Variants in ANTXR2 observed in about 807,000 individuals in gnomAD.
ANTXR2 encodes the protein anthrax toxin receptor 2.
A neutral mutation model predicts 73.7 loss-of-function variants in ANTXR2; 44 were observed. That is an observed-to-expected ratio of 0.60 (90% CI 0.47 to 0.77). The LOEUF is 0.77. ANTXR2 is among the 30% of genes least tolerant of loss of function. The pLI, the probability that ANTXR2 is intolerant of heterozygous loss-of-function variation, is 0.00. For synonymous variants in ANTXR2, 217 were observed against 205.9 expected (o/e 1.05, Z -0.46); for missense variants, 604 against 592.5 (o/e 1.02, Z -0.20).
At chr4:79,936,101 ATT>A (rs1300713184) in intron 16 of ANTXR2, among the ~76,000 whole-genome samples, 3 of 152,194 alleles carry the variant, frequency 2.0e-5, no homozygotes, top group African/African-American at 7.2e-5. Flanking sequence ...ATATATTCTA[ATT>A]TTGAGATATT....
rs1408939743 is a variant in ANTXR2 at position 80,007,173 on chromosome 4, A to G, written c.1041+1348T>C. Among the ~76,000 whole-genome samples, 4 of 152,172 alleles carry G rather than the reference A, an allele frequency of 2.6e-5. No individual in the cohort carries two copies. The East Asian group carries it at 5.8e-4, about 22-fold the overall frequency. On this transcript the variant is annotated intron_variant, in intron 12 of 16. Coordinates refer to ENST00000403729, the MANE Select transcript of ANTXR2 (RefSeq NM_058172.6). ...CCTCATGAAAGCAAACTGAAGTACA[A>G]CTAATAATAAACGCAGGGCTAAAAC...
At chr4:79,937,640 C>A (rs1728322240) in intron 16 of ANTXR2, among the ~76,000 whole-genome samples, 1 of 152,172 alleles carries the variant, frequency 6.6e-6, no homozygotes, top group African/African-American at 2.4e-5. Context: ...AACAAGGTAA[C>A]AACTTGAATG....
chr4:79,913,365 C>G (rs565354049), intron 16 of ANTXR2, among the ~76,000 whole-genome samples: 33 of 152,188 alleles, frequency 2.2e-4, no homozygotes, highest in African/African-American at 7.7e-4. Flanking sequence ...CAATAAAATG[C>G]CTGTTAAAGC....
chr4:79,981,445 G>A (rs983949595), intron 14 of ANTXR2, among the ~76,000 whole-genome samples: 3 of 151,816 alleles, frequency 2.0e-5, no homozygotes, highest in African/African-American at 7.3e-5. Context: ...GTGTATTTAT[G>A]GTATATTTTA....
Position 80,033,560 on chromosome 4 carries a change from C to G in ANTXR2, c.708G>C (p.Gln236His). ...PSSVCVGEEF[Q>H]IVLSGRGFML... ...TGAATCCTCTTCCACTTAAGACAAT[C>G]TGAAATTCCTCTAGAAGTAAAAGGA... Residue 236 changes from glutamine to histidine, a missense_variant, in exon 9 of 17, where the codon CAG (glutamine) becomes CAC (histidine). By Grantham distance (24) the Gln-to-His change is conservative. Coordinates refer to ENST00000403729, the MANE Select transcript of ANTXR2 (RefSeq NM_058172.6). The G allele has an allele frequency of 6.3e-7, 1 of 1,584,456 alleles. No individual in the cohort carries two copies. The highest frequency in any genetic ancestry group is 8.5e-7 in the Non-Finnish European group (1 of 1,170,460).
At chr4:79,984,258 TTCA>T (rs1283352328) in intron 13 of ANTXR2, among the ~76,000 whole-genome samples, 1 of 152,190 alleles carries the variant, frequency 6.6e-6, no homozygotes, top group Non-Finnish European at 1.5e-5. Context: ...TTCAAATCTA[TTCA>T]TCACTTCATA....
At chr4:80,041,936 CATGT>C (rs1331919639) in intron 7 of ANTXR2, among the ~76,000 whole-genome samples, 2 of 151,992 alleles carry the variant, frequency 1.3e-5, no homozygotes, top group East Asian at 1.9e-4. Context: ...CATACGCATG[CATGT>C]ATCTTTGTAA....
chr4:79,994,887 T>C (rs931963852), intron 12 of ANTXR2, among the ~76,000 whole-genome samples: 1 of 151,978 alleles, frequency 6.6e-6, no homozygotes, highest in Non-Finnish European at 1.5e-5. Flanking sequence ...ATTCTCATTG[T>C]TAAAATGCCT....
rs544590235 is a variant in ANTXR2 at position 79,902,761 on chromosome 4, A to G, written c.*4668T>C. ...TTTGCAACTGACAGTTTACAGAACT[A>G]ATATTACCACACACTACAGACAAAG... On this transcript the variant is annotated 3_prime_UTR_variant, in exon 17 of 17. Coordinates refer to ENST00000403729, the MANE Select transcript of ANTXR2 (RefSeq NM_058172.6). 4.0e-5 allele frequency: 6 copies of G among 151,242 alleles called. No homozygotes were observed. Among genetic ancestry groups the G allele is most frequent in the Non-Finnish European group, 7.4e-5 (5 of 67,942 alleles). 9.4% of individuals were successfully genotyped at this position (151,242 alleles called of 1,614,324 possible).
In ANTXR2 at chr4:79,907,069, G is replaced by C. The variant is rs1726942377; in HGVS notation, c.*360C>G. ...CTCCCATCATGGCTAGTTGTTTTGT[G>C]GTCCTTGTTTTGGTATCATCTTCGT... is the stretch of plus-strand genomic sequence containing the variant. On this transcript the variant is annotated 3_prime_UTR_variant, in exon 17 of 17. Transcript: ENST00000403729. The C allele has an allele frequency of 3.7e-6, 1 of 268,852 alleles. No individual in the cohort carries two copies. Among genetic ancestry groups the C allele is most frequent in the East Asian group, 1.0e-4 (1 of 9,606 alleles). 16.7% of individuals were successfully genotyped at this position (268,852 alleles called of 1,614,324 possible).
chr4:80,072,329 G>C lies in ANTXR2; in HGVS notation c.152+80C>G. 3.5e-6 allele frequency: 5 copies of C among 1,418,002 alleles called. No individual in the cohort carries two copies. The South Asian group carries it at 4.7e-5, about 13-fold the overall frequency. The allele number at this position is 1,418,002 out of a possible 1,614,324, so 87.8% of individuals were successfully genotyped here. On this transcript the variant is annotated intron_variant, in intron 1 of 16. Coordinates refer to ENST00000403729, the MANE Select transcript of ANTXR2 (RefSeq NM_058172.6). ...TTTCCAACACCACTCCCCGGGGTGC[G>C]CACACGCATCTCAGCCTCAGCCCCA...
At chr4:79,948,111 T>C (rs1377192674) in intron 16 of ANTXR2, among the ~76,000 whole-genome samples, 1 of 152,176 alleles carries the variant, frequency 6.6e-6, no homozygotes, top group Non-Finnish European at 1.5e-5. Flanking sequence ...CAGGATTCCA[T>C]GAGTACATTA....
chr4:80,039,378 T>G (rs1181704113), intron 7 of ANTXR2, among the ~76,000 whole-genome samples: 1 of 152,144 alleles, frequency 6.6e-6, no homozygotes, highest in Non-Finnish European at 1.5e-5. Flanking sequence ...GCAAATAGTT[T>G]GCACCATAAG....
At chr4:80,043,270 A>AACC (rs34415982) in intron 7 of ANTXR2, among the ~76,000 whole-genome samples, 56,453 of 151,794 alleles carry the variant, frequency 0.37, 11,877 homozygotes, top group East Asian at 0.66. Context: ...GCTGCATTCC[A>AACC]TATTGTGCCA....
intron 16 of ANTXR2, among the ~76,000 whole-genome samples, chr4:79,947,887 A>T (rs1159155639): frequency 6.6e-6 from 1 of 152,116 alleles, no homozygotes; most frequent in East Asian, 1.9e-4. Flanking sequence ...CCTTTTCATT[A>T]CTGTTATAAA....
Position 79,909,838 on chromosome 4 carries a change from C to T in ANTXR2, c.1429-2371G>A, listed in dbSNP as rs372289807. 5.4e-4 allele frequency among the ~76,000 whole-genome samples: 82 copies of T among 152,224 alleles called. 1 individual carries two copies. Among genetic ancestry groups the T allele is most frequent in the African/African-American group, 1.7e-3 (72 of 41,540 alleles). On this transcript the variant is annotated intron_variant, in intron 16 of 16. Transcript: ENST00000403729. ...TCAAAAATTTAAAAGGAGGTGACTT[C>T]GGGAAATCTGTTCAAGAGTCACTGT...
intron 16 of ANTXR2, among the ~76,000 whole-genome samples, chr4:79,947,009 T>G (rs1274103596): frequency 6.6e-6 from 1 of 152,202 alleles, no homozygotes; most frequent in East Asian, 1.9e-4. Context: ...GAATCTCTTC[T>G]GTGTTTAAGC....
At chr4:80,004,049 A>G (rs1002247797) in intron 12 of ANTXR2, among the ~76,000 whole-genome samples, 1 of 152,078 alleles carries the variant, frequency 6.6e-6, no homozygotes, top group Non-Finnish European at 1.5e-5. Context: ...ACTGTGGTAC[A>G]TCTACACCAT....
At chr4:79,915,862 C>CTATATATATATATATA (rs1553925226) in intron 16 of ANTXR2, among the ~76,000 whole-genome samples, 15 of 123,880 alleles carry the variant, frequency 1.2e-4, no homozygotes, top group African/African-American at 4.3e-4. Flanking sequence ...CTCTCTCTCT[C>CTATATATATATATATA]TATATATATA....
Sources: gnomAD v4.1 joint callset for allele counts (sites outside exome capture counted in the v4.1 genomes callset) on GRCh38, gnomAD v4.1.1 for gene constraint, MANE v1.5 for transcripts, NCBI Gene and HGNC (gene_info 2026-07-23, HGNC 2026-07-21) for gene names.